PKD2: variants seen among roughly 807,000 people sequenced by gnomAD.
PKD2 encodes polycystin 2, transient receptor potential cation channel.
PKD2 carries 48 observed loss-of-function variants against 105.9 expected under a neutral mutation model. That is an observed-to-expected ratio of 0.45 (90% CI 0.36 to 0.58). PKD2 has a LOEUF of 0.58. Ranked by LOEUF, PKD2 falls within the 20% of genes least tolerant of loss-of-function variation. The pLI, the probability that PKD2 is intolerant of heterozygous loss-of-function variation, is 0.00. For missense variants in PKD2, 1,078 were observed against 1,255.3 expected (o/e 0.86, Z 2.13); for synonymous variants, 464 against 481.1 (o/e 0.96, Z 0.46).
intron 4 of PKD2, among the ~76,000 whole-genome samples, chr4:88,039,061 G>T (rs963824462): frequency 6.6e-6 from 1 of 152,150 alleles, no homozygotes; most frequent in Non-Finnish European, 1.5e-5. Flanking sequence ...AACATCTTGT[G>T]TATTAAGGGA....
At chr4:88,025,623 AAAAAG>A (rs1404581361) in intron 2 of PKD2, among the ~76,000 whole-genome samples, 4 of 152,034 alleles carry the variant, frequency 2.6e-5, no homozygotes, top group Non-Finnish European at 5.9e-5. Context: ...CAAAAAAAAA[AAAAAG>A]AAAAGAAAAG....
intron 13 of PKD2, among the ~76,000 whole-genome samples, chr4:88,071,903 G>A (rs186151170): frequency 9.2e-5 from 14 of 151,778 alleles, no homozygotes; most frequent in Admixed American, 2.0e-4. Flanking sequence ...GAATGCCTTG[G>A]GATGTAATTT....
chr4:88,012,882 C>CGAAATT (rs1726434288), intron 1 of PKD2, among the ~76,000 whole-genome samples: 1 of 152,112 alleles, frequency 6.6e-6, no homozygotes, highest in Non-Finnish European at 1.5e-5. Context: ...CAAGGTTTAT[C>CGAAATT]CATGCGTGCA....
chr4:88,008,003 T>G lies in PKD2; in HGVS notation c.270T>G (p.Asp90Glu). 6.6e-7 allele frequency: 1 copy of G among 1,516,900 alleles called. No homozygotes were observed. The highest frequency in any genetic ancestry group is 1.7e-4 in the Middle Eastern group (1 of 5,880). The allele number at this position is 1,516,900 out of a possible 1,614,324, so 94.0% of individuals were successfully genotyped here. A position where few individuals can be genotyped will look rare whatever the true frequency, so the allele number is the denominator to read the frequency against. ...GCTCCCGGCAGGCGTGGAGCCGCGATAACCCCGGCTTCGAGGCCGAGGAGG... is the reference window on the plus strand; with the variant it reads ...GCTCCCGGCAGGCGTGGAGCCGCGAGAACCCCGGCTTCGAGGCCGAGGAGG... ...SSCSRQAWSR[D>E]NPGFEAEEEE... The change falls in exon 1 of 15, where the codon GAT becomes GAG. Residue 90 changes from aspartate to glutamate, a missense_variant. By Grantham distance (45) the Asp-to-Glu change is conservative. Coordinates refer to ENST00000237596, the MANE Select transcript of PKD2 (RefSeq NM_000297.4).
At chr4:88,011,007 C>A (rs369362794) in intron 1 of PKD2, among the ~76,000 whole-genome samples, 3 of 152,144 alleles carry the variant, frequency 2.0e-5, no homozygotes, top group Non-Finnish European at 4.4e-5. Context: ...GAAATTGTGT[C>A]AGCAGCATGG....
chr4:88,035,151 G>T (rs888317029), intron 2 of PKD2, among the ~76,000 whole-genome samples: 2 of 152,214 alleles, frequency 1.3e-5, no homozygotes, highest in African/African-American at 4.8e-5. Context: ...TAAGCAACTT[G>T]CACAGGTCAC....
intron 1 of PKD2, among the ~76,000 whole-genome samples, chr4:88,017,901 A>G (rs1726614520): frequency 1.3e-5 from 2 of 152,236 alleles, no homozygotes; most frequent in East Asian, 1.9e-4. Context: ...AGCAGTCTCT[A>G]TTGACATATA....
intron 3 of PKD2, among the ~76,000 whole-genome samples, 159 bp from the exon 4 acceptor site, chr4:88,038,092 G>A (rs926099650): frequency 6.6e-6 from 1 of 152,196 alleles, no homozygotes; most frequent in Non-Finnish European, 1.5e-5. Context: ...AAATGATGGG[G>A]CAAGATGCTA....
In PKD2 at chr4:88,057,999, A is replaced by T. The variant is rs964798879; in HGVS notation, c.1915A>T (p.Ile639Phe). ...TTTTTATAGCTTCACTCAATTCCGTATCATTTTGGGCGATATCAACTTTGC... is the reference window on the plus strand; with the variant it reads ...TTTTTATAGCTTCACTCAATTCCGTTTCATTTTGGGCGATATCAACTTTGC... The part of the protein sequence containing the change: ...FQECIFTQFR[I>F]ILGDINFAEI... Residue 639 changes from isoleucine to phenylalanine, a missense_variant, in exon 9 of 15, where the codon ATC (isoleucine) becomes TTC (phenylalanine). By Grantham distance (21) the Ile-to-Phe change is conservative (BLOSUM62 0). Around this residue, in one of 2 missense-constraint regions of PKD2, gnomAD observed 868 missense variants for 1,067.3 expected, o/e 0.81. Coordinates refer to ENST00000237596, the MANE Select transcript of PKD2 (RefSeq NM_000297.4). 1.9e-6 allele frequency: 3 copies of T among 1,600,990 alleles called. No individual in the cohort carries two copies. The highest frequency in any genetic ancestry group is 2.6e-6 in the Non-Finnish European group (3 of 1,168,032).
At position 88,043,325 on chromosome 4, in the gene PKD2, C is replaced by T. The variant is rs752256973; in HGVS notation, c.1187C>T (p.Ser396Leu). 6.2e-7 allele frequency: 1 copy of T among 1,613,630 alleles called. No individual in the cohort carries two copies. ...GGAGCTGGCTATTATCTGGATTTGT[C>T]AAGAACAAGAGAGGAAACAGCTGCA... ...YSGAGYYLDL[S>L]RTREETAAQV... Residue 396 changes from serine to leucine, a missense_variant, in exon 5 of 15, where the codon TCA becomes TTA. Around this residue, in one of 2 missense-constraint regions of PKD2, gnomAD observed 868 missense variants for 1,067.3 expected, o/e 0.81. Coordinates refer to ENST00000237596, the MANE Select transcript of PKD2 (RefSeq NM_000297.4).
At chr4:88,036,105 G>A in intron 2 of PKD2, 115 bp from the exon 3 acceptor site, 3 of 1,518,966 alleles carry the variant, frequency 2.0e-6, no homozygotes, top group Non-Finnish European at 2.7e-6. Context: ...AGAAGACCTT[G>A]TGTGAATTTG....
At chr4:88,013,629 G>C (rs1166407379) in intron 1 of PKD2, among the ~76,000 whole-genome samples, 1 of 151,996 alleles carries the variant, frequency 6.6e-6, no homozygotes, top group Non-Finnish European at 1.5e-5. Flanking sequence ...CTGAGCCTGG[G>C]AGATTGAGGC....
chr4:88,057,547 T>A (rs1268354316), intron 8 of PKD2, among the ~76,000 whole-genome samples: 1 of 151,604 alleles, frequency 6.6e-6, no homozygotes, highest in Non-Finnish European at 1.5e-5. Context: ...GCGATTCTCC[T>A]GCCTCAGCCT....
intron 7 of PKD2, among the ~76,000 whole-genome samples, chr4:88,054,606 G>T (rs1172680388): frequency 2.7e-5 from 4 of 147,416 alleles, no homozygotes; most frequent in East Asian, 2.0e-4. Flanking sequence ...CTTGCCCCTC[G>T]ATACTTTATC....
At chr4:88,051,428 G>T (rs1464962577) in intron 6 of PKD2, among the ~76,000 whole-genome samples, 3 of 152,112 alleles carry the variant, frequency 2.0e-5, no homozygotes, top group East Asian at 3.9e-4. Context: ...TCGAGGGCAG[G>T]ATTTATGCAG....
chr4:88,057,854 T>C, intron 8 of PKD2, 129 bp from the exon 9 acceptor site: 1 of 739,762 alleles, frequency 1.4e-6, no homozygotes, highest in South Asian at 1.5e-5. Flanking sequence ...ATTGACAATT[T>C]TCTGTTATTC....
intron 2 of PKD2, among the ~76,000 whole-genome samples, chr4:88,022,982 G>T (rs1726814765): frequency 6.6e-6 from 1 of 152,144 alleles, no homozygotes; most frequent in African/African-American, 2.4e-5. Context: ...CCAGGAGGCT[G>T]AGGTGGGAAA....
At chr4:88,048,367 T>C (rs187801471) in intron 6 of PKD2, among the ~76,000 whole-genome samples, 79 of 152,274 alleles carry the variant, frequency 5.2e-4, no homozygotes, top group African/African-American at 1.9e-3. Flanking sequence ...TTATTAATAG[T>C]TGATAAAATA....
chr4:88,028,872 C>A (rs1333306528), intron 2 of PKD2, among the ~76,000 whole-genome samples: 2 of 152,182 alleles, frequency 1.3e-5, no homozygotes, highest in Non-Finnish European at 2.9e-5. Flanking sequence ...ATACATCTTT[C>A]TCTCACTTTT....
Sources: gnomAD v4.1 joint callset for allele counts (sites outside exome capture counted in the v4.1 genomes callset) on GRCh38, gnomAD v4.1.1 for gene constraint, gnomAD v4.1.1 regional missense constraint, MANE v1.5 for transcripts, NCBI Gene and HGNC (gene_info 2026-07-23, HGNC 2026-07-21) for gene names.